FHAD1: variants seen among roughly 807,000 people sequenced by gnomAD.
FHAD1 encodes forkhead associated phosphopeptide binding domain 1.
A neutral mutation model predicts 191.3 loss-of-function variants in FHAD1; 146 were observed. The ratio of observed to expected loss-of-function variants is 0.76; its 90% CI spans 0.67 to 0.88. The LOEUF (loss-of-function observed/expected upper bound fraction) is 0.88, where lower values mean the gene tolerates loss of function less well. FHAD1 is among the 40% of genes least tolerant of loss of function. FHAD1 has a pLI of 0.00. For synonymous variants in FHAD1, 616 were observed against 672.3 expected (o/e 0.92, Z 1.29); for missense variants, 1,635 against 1,785.8 (o/e 0.92, Z 1.52).
intron 2 of FHAD1, among the ~76,000 whole-genome samples, chr1:15,257,143 C>T (rs1473513419): frequency 2.6e-5 from 4 of 152,210 alleles, no homozygotes; most frequent in Non-Finnish European, 4.4e-5. Flanking sequence ...CATCATTTCA[C>T]GGACGTGCGA....
chr1:15,392,659 A>G (rs533312381), intron 33 of FHAD1, among the ~76,000 whole-genome samples: 1 of 152,310 alleles, frequency 6.6e-6, no homozygotes, highest in Admixed American at 6.5e-5. Flanking sequence ...GCGACGTGGA[A>G]AATCTACTCT....
At position 15,381,244 on chromosome 1, in the gene FHAD1, G is replaced by A. The variant is rs1313171033; in HGVS notation, c.3815G>A (p.Ser1272Asn). 2 of 1,551,462 alleles carry A rather than the reference G, an allele frequency of 1.3e-6. No homozygotes were observed. Among genetic ancestry groups the A allele is most frequent in the Admixed American group, 2.0e-5 (1 of 50,976 alleles). Residue 1272 changes from serine to asparagine, a missense_variant, in exon 30 of 34, where the codon AGC becomes AAC. Ser to Asn is a conservative substitution (Grantham distance 46, BLOSUM62 1). Coordinates refer to ENST00000688493, the MANE Select transcript of FHAD1 (RefSeq NM_001391957.1). The surrounding 1 kb of genome is among the most constrained non-coding windows in gnomAD (Gnocchi z 4.6). ...TTTTCCTTGTAGTACCTGGATATGA[G>A]CAAAACCCTCGGAAGTCTCATGAAC... ...ELSEKLYLDMSKTLGSLMNIK... is the reference protein window; with the variant it reads ...ELSEKLYLDMNKTLGSLMNIK...
intron 32 of FHAD1, among the ~76,000 whole-genome samples, chr1:15,389,611 G>A (rs565831431): frequency 6.6e-6 from 1 of 152,156 alleles, no homozygotes; most frequent in South Asian, 2.1e-4. Context: ...CTTCTAGAGG[G>A]CAACTGTCAG....
At chr1:15,351,237 C>T (rs532703868) in intron 19 of FHAD1, among the ~76,000 whole-genome samples, 182 of 152,126 alleles carry the variant, frequency 1.2e-3, no homozygotes, top group African/African-American at 4.3e-3. Context: ...CCCAGCTGCT[C>T]GGGAGGCTGA....
intron 4 of FHAD1, among the ~76,000 whole-genome samples, chr1:15,290,877 T>G (rs1664422520): frequency 6.6e-6 from 1 of 151,540 alleles, no homozygotes; most frequent in Non-Finnish European, 1.5e-5. Context: ...CCCGGCTAAT[T>G]TTTTGTTTTT....
chr1:15,261,216 T>TC (rs1650878294), intron 2 of FHAD1, among the ~76,000 whole-genome samples: 1 of 152,082 alleles, frequency 6.6e-6, no homozygotes, highest in Non-Finnish European at 1.5e-5. Context: ...GGATCTCCCT[T>TC]CCCCCATTTT....
intron 14 of FHAD1, chr1:15,334,541 G>T (rs1350645364): frequency 6.6e-6 from 1 of 152,238 alleles, no homozygotes; most frequent in Non-Finnish European, 1.5e-5. Context: ...TGTGTGGGCA[G>T]TTACGTGACG....
At chr1:15,338,399 C>T (rs761925759) in intron 14 of FHAD1, among the ~76,000 whole-genome samples, 7 of 152,208 alleles carry the variant, frequency 4.6e-5, no homozygotes, top group African/African-American at 7.2e-5. Flanking sequence ...CTTCCAGTCT[C>T]TGCTTCCATC....
chr1:15,253,854 A>C (rs1647084840), intron 2 of FHAD1, among the ~76,000 whole-genome samples: 1 of 152,254 alleles, frequency 6.6e-6, no homozygotes, highest in African/African-American at 2.4e-5. Flanking sequence ...TGGTGAGAGC[A>C]GTATAAATCT....
intron 25 of FHAD1, among the ~76,000 whole-genome samples, chr1:15,369,152 GC>G (rs758561174): frequency 2.0e-5 from 3 of 152,282 alleles, no homozygotes; most frequent in South Asian, 4.2e-4. Flanking sequence ...GGTGTCTTCA[GC>G]CCCCGTGCAG....
chr1:15,245,816 G>A (rs1645953659), upstream of FHAD1, among the ~76,000 whole-genome samples: 1 of 152,174 alleles, frequency 6.6e-6, no homozygotes, highest in Non-Finnish European at 1.5e-5. Flanking sequence ...TATGTCCCAG[G>A]CCTGCTAAAT....
At chr1:15,243,658 A>G (rs998816106), upstream of FHAD1, among the ~76,000 whole-genome samples, 7 of 152,244 alleles carry the variant, frequency 4.6e-5, no homozygotes, top group Non-Finnish European at 8.8e-5. Context: ...TGCAGGAACG[A>G]AGCCTAGTGC....
intron 28 of FHAD1, among the ~76,000 whole-genome samples, chr1:15,376,264 G>T (rs1699626036): frequency 6.6e-6 from 1 of 151,752 alleles, no homozygotes; most frequent in Admixed American, 6.6e-5. Flanking sequence ...TAATTTTTTT[G>T]TATTTTTAGT....
intron 3 of FHAD1, among the ~76,000 whole-genome samples, chr1:15,277,010 G>A (rs995565027): frequency 2.6e-5 from 4 of 152,200 alleles, no homozygotes; most frequent in East Asian, 1.9e-4. Context: ...TGCTTGCCGC[G>A]TTGTTTCTGC....
chr1:15,285,101 C>T (rs972955472), intron 3 of FHAD1, among the ~76,000 whole-genome samples: 1 of 152,166 alleles, frequency 6.6e-6, no homozygotes, highest in African/African-American at 2.4e-5. Flanking sequence ...TGTTTATCCT[C>T]CTCACTGTTT....
intron 14 of FHAD1, among the ~76,000 whole-genome samples, chr1:15,333,978 G>A (rs1442855919): frequency 6.6e-6 from 1 of 151,620 alleles, no homozygotes; most frequent in South Asian, 2.1e-4. Context: ...GACTACAGGC[G>A]TGTGCCACCA....
chr1:15,253,980 C>T (rs1050914905), intron 2 of FHAD1, among the ~76,000 whole-genome samples: 2 of 152,012 alleles, frequency 1.3e-5, no homozygotes, highest in Admixed American at 1.3e-4. Context: ...AGAACATTCC[C>T]CCTGCATTTC....
intron 10 of FHAD1, among the ~76,000 whole-genome samples, chr1:15,319,560 G>A (rs561932095): frequency 6.6e-6 from 1 of 152,192 alleles, no homozygotes; most frequent in Admixed American, 6.5e-5. Flanking sequence ...AGGAGTTCAG[G>A]ACCAGCCTGG....
chr1:15,360,551 G>C lies in FHAD1; in HGVS notation c.2810G>C (p.Arg937Thr). 6.4e-7 allele frequency: 1 copy of C among 1,552,006 alleles called. No individual in the cohort carries two copies. The highest frequency in any genetic ancestry group is 2.4e-5 in the East Asian group (1 of 40,918). Residue 937 changes from arginine (R) to threonine (T), a missense_variant, in exon 22 of 34, where the codon AGA becomes ACA. Physicochemically the swap from Arg to Thr is moderately conservative, Grantham distance 71. Coordinates refer to ENST00000688493, the MANE Select transcript of FHAD1 (RefSeq NM_001391957.1). ...CTCCAGGATGAGCAGGAATCACAGA[G>C]ACACGGGTTTGAAGAAGAGATCATG... ...KALQDEQESQ[R>T]HGFEEEIMEY...
Sources: allele counts gnomAD v4.1 joint callset (sites outside exome capture counted in the v4.1 genomes callset), GRCh38; gene constraint gnomAD v4.1.1; non-coding constraint Gnocchi (gnomAD v3.1); transcripts MANE v1.5; gene names NCBI Gene and HGNC (gene_info 2026-07-23, HGNC 2026-07-21).